GALNT2: variants seen among roughly 807,000 people sequenced by gnomAD.
GALNT2 encodes polypeptide N-acetylgalactosaminyltransferase 2.
GALNT2 carries 31 observed loss-of-function variants against 81.4 expected under a neutral mutation model. The observed-to-expected ratio is 0.38, with a 90% CI of 0.29 to 0.51. The LOEUF (loss-of-function observed/expected upper bound fraction) is 0.51, where lower values mean the gene tolerates loss of function less well. Among genes scored for constraint, GALNT2 ranks in the 20% least tolerant of loss-of-function variants. The pLI, the probability that GALNT2 is intolerant of heterozygous loss-of-function variation, is 0.87. For missense variants in GALNT2, 629 were observed against 765.7 expected, an observed-to-expected ratio of 0.82 and a Z score of 2.11; for synonymous variants, 303 against 287.4, an observed-to-expected ratio of 1.05 and a Z score of -0.55.
At chr1:230,076,217 G>A (rs1033795609) in intron 1 of GALNT2, among the ~76,000 whole-genome samples, 17 of 152,314 alleles carry the variant, frequency 1.1e-4, no homozygotes, top group African/African-American at 1.9e-4. Context: ...GATCAGCTTC[G>A]TGGGATATGC....
At chr1:230,110,714 G>GTTTTTTTTTTTTT (rs113630188) in intron 1 of GALNT2, among the ~76,000 whole-genome samples, 2 of 137,658 alleles carry the variant, frequency 1.5e-5, no homozygotes, top group Non-Finnish European at 1.6e-5. Context: ...GTGCTTTTCT[G>GTTTTTTTTTTTTT]TTTTTTTTTT....
intron 8 of GALNT2, among the ~76,000 whole-genome samples, chr1:230,246,977 G>T (rs867556764): frequency 6.6e-6 from 1 of 152,040 alleles, no homozygotes; most frequent in Middle Eastern, 3.4e-3. Flanking sequence ...AGTGGCTCAC[G>T]CTTATAATCC....
intron 1 of GALNT2, among the ~76,000 whole-genome samples, chr1:230,147,512 C>T (rs1045377769): frequency 2.6e-5 from 4 of 152,348 alleles, no homozygotes; most frequent in Middle Eastern, 3.4e-3. Context: ...ATGGCCTGCT[C>T]TGCCGTGTGC....
At chr1:230,131,246 G>A (rs895296195) in intron 1 of GALNT2, among the ~76,000 whole-genome samples, 2 of 151,874 alleles carry the variant, frequency 1.3e-5, no homozygotes, top group Admixed American at 6.6e-5. Context: ...ACAGAAAACT[G>A]AGGACACAAC....
In GALNT2 at chr1:230,249,234, A is replaced by C. The variant is rs776404910; in HGVS notation, c.868A>C (p.Arg290=). ...FKWDYMTPEQ[R]RSRQGNPVAP... ...GTGGGATTACATGACGCCTGAGCAGAGAAGGTCCCGGCAGGGGAACCCAGT... is the reference window on the plus strand; with the variant it reads ...GTGGGATTACATGACGCCTGAGCAGCGAAGGTCCCGGCAGGGGAACCCAGT... The change falls in exon 9 of 16, where the codon AGA becomes CGA. Residue 290 remains arginine, a synonymous_variant. Coordinates refer to ENST00000366672, the MANE Select transcript of GALNT2 (RefSeq NM_004481.5). 2 of 1,614,186 alleles carry C rather than the reference A, an allele frequency of 1.2e-6. No individual in the cohort carries two copies. The highest frequency in any genetic ancestry group is 1.1e-5 in the South Asian group (1 of 91,082).
Position 230,098,436 on chromosome 1 carries a change from A to G in GALNT2, c.126+31030A>G, listed in dbSNP as rs532037906. On this transcript the variant is annotated intron_variant, in intron 1 of 15. Coordinates refer to ENST00000366672, the MANE Select transcript of GALNT2 (RefSeq NM_004481.5). ...ACACTGTTTTGCGAAAGGCAGGTCT[A>G]TGCAAACTACCCCAAAGTCCGAGGA... 2.6e-5 allele frequency among the ~76,000 whole-genome samples: 4 copies of G among 152,058 alleles called. No homozygotes were observed. In the East Asian group the frequency reaches 5.8e-4, roughly 22 times the overall value.
At chr1:230,230,865 C>G (rs888656589) in intron 3 of GALNT2, among the ~76,000 whole-genome samples, 2 of 152,184 alleles carry the variant, frequency 1.3e-5, no homozygotes, top group Non-Finnish European at 2.9e-5. Flanking sequence ...CCATGACCCT[C>G]TGTTTGGTCT....
intron 1 of GALNT2, among the ~76,000 whole-genome samples, chr1:230,077,588 T>G (rs1358904456): frequency 6.6e-6 from 1 of 152,152 alleles, no homozygotes; most frequent in Non-Finnish European, 1.5e-5. Flanking sequence ...CATAGATAGA[T>G]ACAAAGGAAA....
intron 11 of GALNT2, 141 bp from the exon 12 acceptor site, chr1:230,262,432 C>G (rs1251299221): frequency 1.5e-6 from 1 of 688,816 alleles, no homozygotes; most frequent in Non-Finnish European, 2.5e-6. Context: ...AGCCCACCCT[C>G]TGCTGTGTGC....
In GALNT2 at chr1:230,280,390, T is replaced by C. The variant is rs1666405252; in HGVS notation, c.*932T>C. 2 of 193,524 alleles carry C rather than the reference T, an allele frequency of 1.0e-5. No homozygotes were observed. The highest frequency in any genetic ancestry group is 2.2e-4 in the South Asian group (2 of 9,258). The allele number at this position is 193,524 out of a possible 1,614,324, so 12.0% of individuals were successfully genotyped here. On this transcript the variant is annotated 3_prime_UTR_variant, in exon 16 of 16. Coordinates refer to ENST00000366672, the MANE Select transcript of GALNT2 (RefSeq NM_004481.5). ...GTATCTGTGAACCTGGAGCGGTTAC[T>C]TATTTTGACAGATATCACTTTGGGT...
chr1:230,250,678 ATCCT>A, intron 10 of GALNT2, 118 bp downstream of exon 10: 1 of 654,382 alleles, frequency 1.5e-6, no homozygotes. Context: ...GGCTTAATCG[ATCCT>A]TGCAAACACA....
At chr1:230,165,891 C>T (rs531884732) in intron 1 of GALNT2, among the ~76,000 whole-genome samples, 6 of 152,296 alleles carry the variant, frequency 3.9e-5, no homozygotes, top group African/African-American at 1.4e-4. Context: ...TCATATTAGG[C>T]ATGATGTGAA....
At chr1:230,267,724 G>A (rs1666072128) in intron 14 of GALNT2, among the ~76,000 whole-genome samples, 1 of 152,230 alleles carries the variant, frequency 6.6e-6, no homozygotes, top group Non-Finnish European at 1.5e-5. Context: ...AGTGGAAGAC[G>A]AAGCGGGTGA....
chr1:230,069,500 A>T (rs1250076586), intron 1 of GALNT2, among the ~76,000 whole-genome samples: 1 of 152,146 alleles, frequency 6.6e-6, no homozygotes. Context: ...TAGCTTTTGA[A>T]ATTGCAGTGG....
chr1:230,109,661 C>T (rs910858444), intron 1 of GALNT2, among the ~76,000 whole-genome samples: 2 of 152,162 alleles, frequency 1.3e-5, no homozygotes, highest in African/African-American at 4.8e-5. Context: ...AACCCCATCT[C>T]TACTAAATAT....
At chr1:230,210,127 C>T (rs907484964) in intron 3 of GALNT2, among the ~76,000 whole-genome samples, 5 of 152,168 alleles carry the variant, frequency 3.3e-5, no homozygotes, top group African/African-American at 1.2e-4. Context: ...ATCCAAACTC[C>T]TTTCCAGGAG....
At chr1:230,061,599 T>A (rs1162768588) in intron 1 of GALNT2, among the ~76,000 whole-genome samples, 1 of 152,178 alleles carries the variant, frequency 6.6e-6, no homozygotes, top group Non-Finnish European at 1.5e-5. Context: ...CCCTCAGCTT[T>A]CTTGATTTTA....
intron 1 of GALNT2, among the ~76,000 whole-genome samples, chr1:230,173,844 A>T (rs538255756): frequency 1.9e-3 from 287 of 152,360 alleles, no homozygotes; most frequent in Non-Finnish European, 3.0e-3. Context: ...ATTGTAACGA[A>T]AAACTTCCAC....
At position 230,279,599 on chromosome 1, in the gene GALNT2, G is replaced by T. The variant is rs771773392; in HGVS notation, c.*141G>T. 5.2e-5 allele frequency: 56 copies of T among 1,082,152 alleles called. 1 individual carries two copies. Among genetic ancestry groups the T allele is most frequent in the Non-Finnish European group, 7.1e-5 (55 of 770,124 alleles). The allele number at this position is 1,082,152 out of a possible 1,614,324, so 67.0% of individuals were successfully genotyped here. On this transcript the variant is annotated 3_prime_UTR_variant, in exon 16 of 16. Coordinates refer to ENST00000366672, the MANE Select transcript of GALNT2 (RefSeq NM_004481.5). This position sits in a 1 kb window ranked among gnomAD's most constrained non-coding sequence, Gnocchi z 4.6. ...ATCATGGTCTGAAAGTCAAACTTCG[G>T]CAAGGCACGGACGACTGTGCAGACA... is the stretch of plus-strand genomic sequence containing the variant.
Sources: allele counts gnomAD v4.1 joint callset (sites outside exome capture counted in the v4.1 genomes callset), GRCh38; gene constraint gnomAD v4.1.1; non-coding constraint Gnocchi (gnomAD v3.1); transcripts MANE v1.5; gene names NCBI Gene and HGNC (gene_info 2026-07-23, HGNC 2026-07-21).